Variants in CHRDL2 observed in about 807,000 individuals in gnomAD.
The protein encoded by CHRDL2 is chordin like 2, also known as chordin-like protein 2.
Under a neutral mutation model 54.3 loss-of-function variants are expected in CHRDL2, and 41 were observed. That is an observed-to-expected ratio of 0.76 (90% CI 0.59 to 0.98). The LOEUF (loss-of-function observed/expected upper bound fraction) is 0.98. Ranked by LOEUF, CHRDL2 falls within the 50% of genes least tolerant of loss-of-function variation. CHRDL2 has a pLI of 0.00. For missense variants in CHRDL2, 518 were observed against 562.4 expected (o/e 0.92, Z 0.80); for synonymous variants, 220 against 224.3 (o/e 0.98, Z 0.17).
intron 3 of CHRDL2, among the ~76,000 whole-genome samples, chr11:74,712,027 G>T (rs2034207292): frequency 6.6e-6 from 1 of 151,904 alleles, no homozygotes; most frequent in Non-Finnish European, 1.5e-5. Context: ...GGCCAGGATG[G>T]TCTCAATCTC....
intron 6 of CHRDL2, 73 bp from the exon 7 acceptor site, chr11:74,704,727 C>T (rs1177755966): frequency 6.7e-7 from 1 of 1,482,562 alleles, no homozygotes; most frequent in East Asian, 2.3e-5. Context: ...AACAGCAAGA[C>T]AGGCTGCAGC....
chr11:74,704,341 G>T, intron 7 of CHRDL2, 145 bp downstream of exon 7: 3 of 673,252 alleles, frequency 4.5e-6, no homozygotes, highest in Non-Finnish European at 4.9e-6. Context: ...ATTCAGTTTT[G>T]GCGTTCTCCG....
At chr11:74,717,788 G>A (rs529624729) in intron 2 of CHRDL2, among the ~76,000 whole-genome samples, 17 of 149,776 alleles carry the variant, frequency 1.1e-4, no homozygotes, top group Non-Finnish European at 2.4e-4. Flanking sequence ...AGGCTGGCTC[G>A]GGCTGGGAGC....
chr11:74,729,407 A>G (rs2034619113), intron 1 of CHRDL2, among the ~76,000 whole-genome samples: 1 of 152,256 alleles, frequency 6.6e-6, no homozygotes, highest in Non-Finnish European at 1.5e-5. Flanking sequence ...TCTCTTAGAC[A>G]GATTAGGAAA....
chr11:74,710,395 A>G (rs552731235), intron 4 of CHRDL2, among the ~76,000 whole-genome samples: 1 of 152,298 alleles, frequency 6.6e-6, no homozygotes, highest in South Asian at 2.1e-4. Context: ...CCGGAGGTCC[A>G]GCTCTAACAA....
chr11:74,701,484 C>A (rs1478883642), intron 9 of CHRDL2: 2 of 643,312 alleles, frequency 3.1e-6, no homozygotes, highest in Admixed American at 4.8e-5. Flanking sequence ...GGCTGAACAG[C>A]TCCACTTTCT....
rs2034644898 is a variant in CHRDL2 at position 74,730,993 on chromosome 11, G to A, written c.-105C>T. 1 of 901,312 alleles carries A rather than the reference G, an allele frequency of 1.1e-6. No individual in the cohort carries two copies. Among genetic ancestry groups the A allele is most frequent in the African/African-American group, 1.7e-5 (1 of 60,018 alleles). The allele number at this position is 901,312 out of a possible 1,614,324, so 55.8% of individuals were successfully genotyped here. ...CCACAGATCAACCCACAGACCCCAG[G>A]AGGTCTGCTGCTAGAGCGGGGTCGG... On this transcript the variant is annotated 5_prime_UTR_variant, in exon 1 of 11. Transcript: ENST00000376332.
intron 7 of CHRDL2, 91 bp from the exon 8 acceptor site, chr11:74,703,590 G>A: frequency 1.7e-6 from 2 of 1,184,656 alleles, no homozygotes; most frequent in Non-Finnish European, 2.3e-6. Flanking sequence ...GGCCCTTGGG[G>A]AGCCCTCACT....
chr11:74,728,292 C>T (rs1046513717), intron 1 of CHRDL2, among the ~76,000 whole-genome samples: 5 of 152,156 alleles, frequency 3.3e-5, no homozygotes, highest in African/African-American at 4.8e-5. Flanking sequence ...CTGAAAGCAC[C>T]TAAGATATCA....
intron 2 of CHRDL2, among the ~76,000 whole-genome samples, chr11:74,717,105 CAAACAAAA>C (rs1239472504): frequency 6.6e-6 from 1 of 151,030 alleles, no homozygotes; most frequent in Non-Finnish European, 1.5e-5. Context: ...AACAAACAAA[CAAACAAAA>C]AAAAAAAACC....
At chr11:74,720,501 G>C (rs2034477201) in intron 1 of CHRDL2, among the ~76,000 whole-genome samples, 3 of 151,524 alleles carry the variant, frequency 2.0e-5, no homozygotes, top group Admixed American at 2.0e-4. Context: ...GGGCCTAAAG[G>C]CCTTCTTCTC....
At chr11:74,708,487 C>G in intron 4 of CHRDL2, 92 bp from the exon 5 acceptor site, 2 of 927,262 alleles carry the variant, frequency 2.2e-6, no homozygotes, top group Non-Finnish European at 3.2e-6. Context: ...AGCAAATGGC[C>G]TTGAGGTCTC....
chr11:74,701,964 T>A (rs2033827537), intron 9 of CHRDL2, among the ~76,000 whole-genome samples: 1 of 152,158 alleles, frequency 6.6e-6, no homozygotes, highest in Non-Finnish European at 1.5e-5. Context: ...TCCTTATCGA[T>A]GAAAACCTGC....
chr11:74,713,256 A>G (rs766476525), intron 3 of CHRDL2, 130 bp downstream of exon 3: 4 of 713,618 alleles, frequency 5.6e-6, no homozygotes, highest in Admixed American at 2.8e-5. Context: ...TCCCTTGAGC[A>G]CCTTTGTGTG....
At chr11:74,718,692 AGGT>A in intron 2 of CHRDL2, 25 bp downstream of exon 2, 2 of 1,443,316 alleles carry the variant, frequency 1.4e-6, no homozygotes, top group Non-Finnish European at 9.7e-7. Flanking sequence ...TCCCTGACAC[AGGT>A]GGTCAGGTGG....
At chr11:74,700,570 C>T (rs1026443825) in intron 9 of CHRDL2, among the ~76,000 whole-genome samples, 1 of 151,848 alleles carries the variant, frequency 6.6e-6, no homozygotes, top group African/African-American at 2.4e-5. Flanking sequence ...GAGAGAGAGG[C>T]CCAGAGTAAA....
chr11:74,729,530 G>T (rs1327103307), intron 1 of CHRDL2, among the ~76,000 whole-genome samples: 11 of 152,210 alleles, frequency 7.2e-5, no homozygotes, highest in African/African-American at 2.7e-4. Context: ...GTAATGGAAA[G>T]ACTTATGTGA....
chr11:74,708,653 C>G lies in CHRDL2; in HGVS notation c.433-258G>C, dbSNP rs139155872. ...TCACTCACAGCCAGGCTGTCCCTAG[C>G]TGCTGCCTGGTAAGGCGGGAATCTC... On this transcript the variant is annotated intron_variant, in intron 4 of 10. Coordinates refer to ENST00000376332, the MANE Select transcript of CHRDL2 (RefSeq NM_001278473.3). Among the ~76,000 whole-genome samples, 551 of 152,330 alleles carry G rather than the reference C, an allele frequency of 3.6e-3. 1 individual carries two copies. Among genetic ancestry groups the G allele is most frequent in the African/African-American group, 0.013 (527 of 41,572 alleles).
At chr11:74,712,686 TC>T (rs1164610681) in intron 3 of CHRDL2, among the ~76,000 whole-genome samples, 1 of 152,040 alleles carries the variant, frequency 6.6e-6, no homozygotes, top group African/African-American at 2.4e-5. Flanking sequence ...TGGAGCCTCT[TC>T]TTCACCACTT....
Sources: allele counts gnomAD v4.1 joint callset (sites outside exome capture counted in the v4.1 genomes callset), GRCh38; gene constraint gnomAD v4.1.1; transcripts MANE v1.5; gene names NCBI Gene and HGNC (gene_info 2026-07-23, HGNC 2026-07-21).